TRPV4: variants seen among roughly 807,000 people sequenced by gnomAD.
TRPV4 encodes transient receptor potential cation channel subfamily V member 4.
In TRPV4, 58 loss-of-function variants were observed where a neutral mutation model predicts 84.1. The ratio of observed to expected loss-of-function variants is 0.69; its 90% confidence interval spans 0.56 to 0.86. The LOEUF (loss-of-function observed/expected upper bound fraction) is 0.86. Among genes scored for constraint, TRPV4 ranks in the 40% least tolerant of loss-of-function variants. The pLI, the probability that TRPV4 is intolerant of heterozygous loss-of-function variation, is 0.00. For synonymous variants in TRPV4, 489 were observed against 500.9 expected (o/e 0.98, Z 0.32); for missense variants, 879 against 1,181.1 (o/e 0.74, Z 3.75).
At chr12:109,809,275 G>A (rs1344149820) in intron 2 of TRPV4, among the ~76,000 whole-genome samples, 7 of 85,504 alleles carry the variant, frequency 8.2e-5, no homozygotes, top group South Asian at 4.3e-4. Flanking sequence ...CTAACTACCC[G>A]CCCATCCATC....
intron 1 of TRPV4, among the ~76,000 whole-genome samples, chr12:109,823,471 C>G (rs1892166212): frequency 6.6e-6 from 1 of 152,240 alleles, no homozygotes; most frequent in Non-Finnish European, 1.5e-5. Flanking sequence ...GGGACCAAGT[C>G]ATTTCCAAGG....
At chr12:109,805,276 G>A (rs1318956773) in intron 3 of TRPV4, among the ~76,000 whole-genome samples, 3 of 152,230 alleles carry the variant, frequency 2.0e-5, no homozygotes, top group Non-Finnish European at 4.4e-5. Flanking sequence ...GAATGAAGGC[G>A]AGAGCTGGGC....
chr12:109,814,444 C>T lies in TRPV4; in HGVS notation c.353G>A (p.Ser118Asn), dbSNP rs1169923733. 1 of 1,614,154 alleles carries T rather than the reference C, an allele frequency of 6.2e-7. No individual in the cohort carries two copies. Among genetic ancestry groups the T allele is most frequent in the Non-Finnish European group, 8.5e-7 (1 of 1,180,012 alleles). The change falls in exon 2 of 16, where the codon AGT becomes AAT. Residue 118 changes from serine (S) to asparagine (N), a missense_variant. Ser to Asn is a conservative substitution (Grantham distance 46, BLOSUM62 1). This residue lies in a region of TRPV4 where 521 missense variants were observed against 686.6 expected (regional missense o/e 0.76). Coordinates refer to ENST00000261740, the MANE Select transcript of TRPV4 (RefSeq NM_021625.5). The surrounding 1 kb of genome is among the most constrained non-coding windows in gnomAD (Gnocchi z 5.4). ...FDYGTYRHHS[S>N]DNKRWRKKII... ...CTTCTTCCTCCACCTCTTGTTGTCA[C>T]TGGAGTGGTGACGATAGGTGCCGTA...
At chr12:109,804,100 C>A (rs1006949411) in intron 3 of TRPV4, among the ~76,000 whole-genome samples, 7 of 152,116 alleles carry the variant, frequency 4.6e-5, no homozygotes, top group African/African-American at 1.7e-4. Flanking sequence ...ACAATAATAA[C>A]CCTGAAGGTT....
Position 109,783,543 on chromosome 12 carries a change from G to A in TRPV4, c.*78C>T, listed in dbSNP as rs1419409941. Reference sequence around the variant, plus strand: ...CTGGGGCCAAAGCAGGGTGTGGGGGGACACCCCAGAAGGCACTGCTGAAAT... The same window carrying A: ...CTGGGGCCAAAGCAGGGTGTGGGGGAACACCCCAGAAGGCACTGCTGAAAT... On this transcript the variant is annotated 3_prime_UTR_variant, in exon 16 of 16. Coordinates refer to ENST00000261740, the MANE Select transcript of TRPV4 (RefSeq NM_021625.5). The surrounding 1 kb of genome is among the most constrained non-coding windows in gnomAD (Gnocchi z 4.6). The A allele has an allele frequency of 2.6e-6, 4 of 1,544,234 alleles. No individual in the cohort carries two copies. Among genetic ancestry groups the A allele is most frequent in the Non-Finnish European group, 3.5e-6 (4 of 1,138,800 alleles).
intron 3 of TRPV4, among the ~76,000 whole-genome samples, chr12:109,807,281 A>G (rs2136599462): frequency 6.6e-6 from 1 of 151,914 alleles, no homozygotes; most frequent in African/African-American, 2.4e-5. Context: ...TGTCTCAAAA[A>G]AAAAAAAAAA....
chr12:109,829,317 A>C (rs1565890372), intron 1 of TRPV4, among the ~76,000 whole-genome samples: 1 of 152,232 alleles, frequency 6.6e-6, no homozygotes, highest in Non-Finnish European at 1.5e-5. Context: ...GAGGAAACTG[A>C]GGCCAAAGGA....
intron 14 of TRPV4, 82 bp from the exon 15 acceptor site, chr12:109,784,519 T>G: frequency 6.2e-7 from 1 of 1,605,560 alleles, no homozygotes; most frequent in Non-Finnish European, 8.5e-7. Context: ...CCCTCCTATT[T>G]TTTTATTATG....
intron 12 of TRPV4, 147 bp from the exon 13 acceptor site, chr12:109,788,863 T>C: frequency 2.2e-6 from 2 of 895,090 alleles, no homozygotes; most frequent in African/African-American, 1.6e-5. Flanking sequence ...ACCCTACACA[T>C]CAGCCAAGCC....
intron 4 of TRPV4, among the ~76,000 whole-genome samples, 153 bp downstream of exon 4, chr12:109,802,838 G>GCATCCATCCATCCATCCATC (rs111807515): frequency 4.6e-5 from 7 of 151,202 alleles, no homozygotes; most frequent in African/African-American, 1.7e-4. Flanking sequence ...ATGCATCCAT[G>GCATCCATCCATCCATCCATC]CATCCATCCA....
intron 3 of TRPV4, among the ~76,000 whole-genome samples, chr12:109,806,201 C>CTT (rs912588122): frequency 2.7e-5 from 4 of 146,564 alleles, no homozygotes; most frequent in African/African-American, 1.0e-4. Flanking sequence ...ATTGTATTTT[C>CTT]TTTTTTTTTT....
At chr12:109,811,281 C>T (rs942537825) in intron 2 of TRPV4, among the ~76,000 whole-genome samples, 1 of 152,192 alleles carries the variant, frequency 6.6e-6, no homozygotes, top group African/African-American at 2.4e-5. Context: ...CGGAAAGTGC[C>T]GCCTGAGTAG....
chr12:109,811,305 CTG>C (rs933163787), intron 2 of TRPV4, among the ~76,000 whole-genome samples: 49 of 152,338 alleles, frequency 3.2e-4, no homozygotes, highest in Admixed American at 1.6e-3. Context: ...TGGATCTGGT[CTG>C]GCTCAGCCTG....
chr12:109,788,610 G>C lies in TRPV4; in HGVS notation c.1998C>G (p.Phe666Leu). The change falls in exon 13 of 16, where the codon TTC becomes TTG. Residue 666 changes from phenylalanine (F) to leucine (L), a missense_variant. Around this residue, in one of 4 missense-constraint regions of TRPV4, gnomAD observed 242 missense variants for 355.3 expected, o/e 0.68. Transcript: ENST00000261740. ...TYPSCRDSET[F>L]STFLLDLFKL... ...TAAACAGGTCCAGGAGGAAGGTGCT[G>C]AAGGTCTCGCTGTCACGGCACGAGG... 1 of 1,614,272 alleles carries C rather than the reference G, an allele frequency of 6.2e-7. No individual in the cohort carries two copies. Among genetic ancestry groups the C allele is most frequent in the East Asian group, 2.2e-5 (1 of 44,884 alleles).
At chr12:109,805,321 GT>G (rs1839490414) in intron 3 of TRPV4, among the ~76,000 whole-genome samples, 1 of 152,226 alleles carries the variant, frequency 6.6e-6, no homozygotes, top group East Asian at 1.9e-4. Flanking sequence ...GTGACCCAAA[GT>G]GGAACTAGAG....
At chr12:109,830,389 G>A (rs1219312057) in intron 1 of TRPV4, among the ~76,000 whole-genome samples, 4 of 152,210 alleles carry the variant, frequency 2.6e-5, no homozygotes, top group Admixed American at 2.6e-4. Context: ...TCAGTGCTTG[G>A]CACACAGTAA....
chr12:109,827,109 C>G (rs187967415), intron 1 of TRPV4, among the ~76,000 whole-genome samples: 7 of 152,208 alleles, frequency 4.6e-5, no homozygotes, highest in Admixed American at 4.6e-4. Context: ...GTCTCCAAAG[C>G]GAACCTCTGC....
intron 10 of TRPV4, 149 bp from the exon 11 acceptor site, chr12:109,792,966 G>T: frequency 4.0e-6 from 3 of 742,724 alleles, no homozygotes; most frequent in Non-Finnish European, 6.6e-6. Context: ...TGGATTAGCA[G>T]GGTTCCCCAG....
intron 14 of TRPV4, among the ~76,000 whole-genome samples, chr12:109,785,927 C>T (rs1889657243): frequency 2.0e-5 from 3 of 152,014 alleles, no homozygotes; most frequent in South Asian, 2.1e-4. Flanking sequence ...GTGGGAGGAT[C>T]GCTTGAGACC....
Sources: gnomAD v4.1 joint callset for allele counts (sites outside exome capture counted in the v4.1 genomes callset) on GRCh38, gnomAD v4.1.1 for gene constraint, gnomAD v4.1.1 regional missense constraint, Gnocchi (gnomAD v3.1) non-coding constraint, MANE v1.5 for transcripts, NCBI Gene and HGNC (gene_info 2026-07-23, HGNC 2026-07-21) for gene names.